Variants in FAM163A observed in about 807,000 individuals in gnomAD.
The protein encoded by FAM163A is family with sequence similarity 163 member A.
Under a neutral mutation model 12.0 loss-of-function variants are expected in FAM163A, and 7 were observed. The ratio of observed to expected loss-of-function variants is 0.58; its 90% CI spans 0.33 to 1.10. The LOEUF is 1.10. FAM163A is among the 50% of genes least tolerant of loss of function. FAM163A has a pLI of 0.03. For missense variants in FAM163A, 202 were observed against 218.6 expected (o/e 0.92, Z 0.48); for synonymous variants, 101 against 91.0 (o/e 1.11, Z -0.62).
At chr1:179,790,218 CTTTTTTTTTTTTTT>C (rs1168192716) in intron 1 of FAM163A, among the ~76,000 whole-genome samples, 8 of 91,670 alleles carry the variant, frequency 8.7e-5, no homozygotes, top group Non-Finnish European at 1.6e-4. Context: ...AGCTGACTTC[CTTTTTTTTTTTTTT>C]TTTTTTTTTT....
At chr1:179,773,321 C>G (rs1396200856) in intron 1 of FAM163A, among the ~76,000 whole-genome samples, 2 of 152,062 alleles carry the variant, frequency 1.3e-5, no homozygotes, top group Admixed American at 6.6e-5. Flanking sequence ...AGTGATAGAA[C>G]TGCATAGAGC....
At chr1:179,800,302 G>A (rs1336795075) in intron 1 of FAM163A, among the ~76,000 whole-genome samples, 2 of 152,240 alleles carry the variant, frequency 1.3e-5, no homozygotes, top group Non-Finnish European at 2.9e-5. Flanking sequence ...AGAGCAGCCT[G>A]TTTTGTGTCA....
intron 1 of FAM163A, among the ~76,000 whole-genome samples, chr1:179,796,566 GTTCTCC>G (rs2148284965): frequency 6.6e-6 from 1 of 152,188 alleles, no homozygotes; most frequent in East Asian, 1.9e-4. Flanking sequence ...CCTCCTGCAG[GTTCTCC>G]AGGATGCTTC....
intron 1 of FAM163A, among the ~76,000 whole-genome samples, chr1:179,765,243 T>C (rs970220946): frequency 3.3e-5 from 5 of 152,214 alleles, no homozygotes; most frequent in African/African-American, 1.2e-4. Context: ...GATCTCCAAG[T>C]GCAGTACTCT....
chr1:179,740,637 C>A (rs944326843), upstream of FAM163A, among the ~76,000 whole-genome samples: 13 of 152,052 alleles, frequency 8.5e-5, no homozygotes, highest in African/African-American at 3.1e-4. Context: ...CGAAAGGATA[C>A]AAATGATTTC....
chr1:179,758,689 A>C (rs2148030912), intron 1 of FAM163A, among the ~76,000 whole-genome samples: 1 of 152,330 alleles, frequency 6.6e-6, no homozygotes, highest in Non-Finnish European at 1.5e-5. Flanking sequence ...TTTAGCAGGT[A>C]TGCACTGGTA....
intron 1 of FAM163A, among the ~76,000 whole-genome samples, chr1:179,765,857 A>T (rs1048547569): frequency 2.0e-5 from 3 of 152,114 alleles, no homozygotes; most frequent in Non-Finnish European, 4.4e-5. Context: ...GAGGTTCAGA[A>T]TGGCTGGCCT....
chr1:179,746,701 G>A (rs1056742625), intron 1 of FAM163A, among the ~76,000 whole-genome samples: 4 of 152,068 alleles, frequency 2.6e-5, no homozygotes, highest in Admixed American at 6.5e-5. Flanking sequence ...CTCTTTGTCC[G>A]TCCTGTGCCT....
rs182765112 is a variant in FAM163A at position 179,744,570 on chromosome 1, G to A, written c.-136+1147G>A. Among the ~76,000 whole-genome samples the A allele has an allele frequency of 9.8e-5, 15 of 152,328 alleles. No homozygotes were observed. The East Asian group carries it at 2.7e-3, about 27-fold the overall frequency. ...GCCCTTTGGCCGACACACACCAGCC[G>A]TGTTTTCCTGTCACACTGGGGGTTC... On this transcript the variant is annotated intron_variant, in intron 1 of 4. Transcript: ENST00000341785.
At position 179,774,084 on chromosome 1, in the gene FAM163A, AAGGCATC is replaced by A. The variant is rs150259003; in HGVS notation, c.-136+30664_-136+30670del. 8.5e-3 allele frequency among the ~76,000 whole-genome samples: 1,290 copies of A among 152,282 alleles called. 18 individuals are homozygous for A. Among genetic ancestry groups the A allele is most frequent in the African/African-American group, 0.03 (1,243 of 41,556 alleles). ...TCCATGTTCTGGAGCTCTCTTCCTT[AAGGCATC>A]AGCCAGCACCAGCTGCTTTCTCACC... On this transcript the variant is annotated intron_variant, in intron 1 of 4. Transcript: ENST00000341785.
the FAM163A span, among the ~76,000 whole-genome samples, chr1:179,735,399 G>T: frequency 6.6e-6 from 1 of 151,794 alleles, no homozygotes; most frequent in East Asian, 1.9e-4. Context: ...GGCAATCCTG[G>T]TTAGAGGTCA....
intron 1 of FAM163A, among the ~76,000 whole-genome samples, chr1:179,795,538 C>T (rs561692396): frequency 3.9e-5 from 6 of 152,230 alleles, no homozygotes; most frequent in Non-Finnish European, 7.3e-5. Flanking sequence ...CTTCTGCCAT[C>T]GGATGACCCC....
At position 179,813,238 on chromosome 1, in the gene FAM163A, C is replaced by G; in HGVS notation, c.93+48C>G. ...CAGAGGCTGCCAGGCCACCAGCAAA[C>G]CTCTTTTTCATTATGGGGGCAGAAA... is the stretch of plus-strand genomic sequence containing the variant. On this transcript the variant is annotated intron_variant, in intron 4 of 4. Coordinates refer to ENST00000341785, the MANE Select transcript of FAM163A (RefSeq NM_173509.3). 3.3e-6 allele frequency: 5 copies of G among 1,521,316 alleles called. No homozygotes were observed. In the East Asian group the frequency reaches 1.2e-4, roughly 37 times the overall value. The allele number at this position is 1,521,316 out of a possible 1,614,324, so 94.2% of individuals were successfully genotyped here.
chr1:179,764,445 C>T (rs2148064849), intron 1 of FAM163A, among the ~76,000 whole-genome samples: 1 of 152,260 alleles, frequency 6.6e-6, no homozygotes, highest in East Asian at 1.9e-4. Flanking sequence ...GTTGTGCAAC[C>T]TCTCATTCAG....
At chr1:179,812,840 G>C (rs113894581) in intron 3 of FAM163A, among the ~76,000 whole-genome samples, 18 of 152,272 alleles carry the variant, frequency 1.2e-4, no homozygotes, top group African/African-American at 4.3e-4. Context: ...GCACCAAAGG[G>C]GAAAGATCGT....
intron 3 of FAM163A, among the ~76,000 whole-genome samples, 180 bp downstream of exon 3, chr1:179,812,311 C>G (rs1694802685): frequency 6.6e-6 from 1 of 152,200 alleles, no homozygotes; most frequent in Non-Finnish European, 1.5e-5. Flanking sequence ...CCTGTTCATT[C>G]AGCCTCAGAA....
intron 1 of FAM163A, among the ~76,000 whole-genome samples, chr1:179,744,807 C>T (rs915725651): frequency 3.3e-5 from 5 of 152,208 alleles, no homozygotes; most frequent in African/African-American, 1.2e-4. Context: ...CCGACGTCTG[C>T]GCAGTTGCGT....
chr1:179,736,817 A>G, the FAM163A span, among the ~76,000 whole-genome samples: 3 of 152,096 alleles, frequency 2.0e-5, no homozygotes, highest in African/African-American at 7.3e-5. Flanking sequence ...CTCAAAAAAA[A>G]AGAAAAAAGA....
chr1:179,806,294 T>A (rs1172174927), intron 1 of FAM163A, among the ~76,000 whole-genome samples: 1 of 152,236 alleles, frequency 6.6e-6, no homozygotes, highest in Admixed American at 6.5e-5. Flanking sequence ...AGCCCCACTG[T>A]GATACCCAGT....
Sources: gnomAD v4.1 joint callset for allele counts (sites outside exome capture counted in the v4.1 genomes callset) on GRCh38, gnomAD v4.1.1 for gene constraint, MANE v1.5 for transcripts, NCBI Gene and HGNC (gene_info 2026-07-23, HGNC 2026-07-21) for gene names.